MILR1: variants seen among roughly 807,000 people sequenced by gnomAD.
MILR1 encodes allergin-1.
Under a neutral mutation model 18.5 loss-of-function variants are expected in MILR1, and 31 were observed. The observed-to-expected ratio is 1.68, with a 90% CI of 1.26 to 2.26. The LOEUF (loss-of-function observed/expected upper bound fraction) is 2.26. Ranked by LOEUF, MILR1 falls within the 30% of genes most tolerant of loss-of-function variation. The probability of loss-of-function intolerance (pLI) is 0.00; values close to 1 mark genes in which losing one functional copy is unlikely to be tolerated. For missense variants in MILR1, 257 were observed against 157.4 expected (o/e 1.63, Z -3.38); for synonymous variants, 85 against 56.2 (o/e 1.51, Z -2.30).
chr17:64,473,092 G>A (rs1432732876), downstream of MILR1, among the ~76,000 whole-genome samples: 11 of 152,140 alleles, frequency 7.2e-5, no homozygotes, highest in African/African-American at 2.7e-4. Context: ...GCTCACGCCT[G>A]TAATCCCAGC....
At chr17:64,473,682 T>G in the MILR1 span, among the ~76,000 whole-genome samples, 1 of 152,150 alleles carries the variant, frequency 6.6e-6, no homozygotes, top group African/African-American at 2.4e-5. Flanking sequence ...ACTTACGAAA[T>G]TTCTTTGTAA....
chr17:64,481,190 G>A, the MILR1 span: 1 of 731,732 alleles, frequency 1.4e-6, no homozygotes, highest in Non-Finnish European at 1.7e-6. Flanking sequence ...TGGTGACTGA[G>A]CTACAGCATC....
chr17:64,492,987 C>G, the MILR1 span: 6 of 1,614,070 alleles, frequency 3.7e-6, no homozygotes, highest in Non-Finnish European at 5.1e-6. Context: ...TCTTGTTTAC[C>G]AGATCCAGGC....
chr17:64,466,807 C>A, intron 8 of MILR1, 145 bp downstream of exon 8: 1 of 646,928 alleles, frequency 1.5e-6, no homozygotes, highest in Non-Finnish European at 2.6e-6. Context: ...TGGCAACCAG[C>A]ACCCCAGCTC....
the MILR1 span, chr17:64,490,938 C>T: frequency 2.2e-5 from 36 of 1,613,918 alleles, no homozygotes; most frequent in Admixed American, 2.3e-4. Context: ...CTGACAGTCA[C>T]TGCTGCTGAA....
downstream of MILR1, among the ~76,000 whole-genome samples, chr17:64,470,933 A>G (rs9911864): frequency 0.051 from 7,781 of 152,190 alleles, 310 homozygotes; most frequent in African/African-American, 0.12. Context: ...CTAGTGCCTC[A>G]TTTCTTTCTA....
intron 2 of MILR1, 130 bp from the exon 3 acceptor site, chr17:64,452,467 G>A (rs1350106849): frequency 5.0e-6 from 2 of 399,722 alleles, no homozygotes; most frequent in Admixed American, 4.4e-5. Context: ...TGCCCAGACT[G>A]GTATCAAACT....
chr17:64,471,690 G>A (rs976746007), downstream of MILR1, among the ~76,000 whole-genome samples: 3 of 152,138 alleles, frequency 2.0e-5, no homozygotes, highest in East Asian at 5.8e-4. Flanking sequence ...GGTGGCTCAC[G>A]CCTATAATCC....
At chr17:64,450,575 G>A (rs1028920932) in intron 2 of MILR1, among the ~76,000 whole-genome samples, 5 of 150,190 alleles carry the variant, frequency 3.3e-5, no homozygotes, top group African/African-American at 1.0e-4. Flanking sequence ...CGCCTCCTGG[G>A]TTCAAGGGAT....
chr17:64,478,065 CA>C, the MILR1 span: 270 of 1,465,066 alleles, frequency 1.8e-4, 1 homozygote, highest in Non-Finnish European at 2.3e-4. Context: ...AGCTGTAATT[CA>C]GTGTTCATGC....
chr17:64,468,971 C>T (rs2037643676), downstream of MILR1, among the ~76,000 whole-genome samples: 1 of 151,914 alleles, frequency 6.6e-6, no homozygotes, highest in Non-Finnish European at 1.5e-5. Context: ...CTTGTAATTC[C>T]ATCTACTTAG....
At chr17:64,466,383 C>T in intron 6 of MILR1, 59 bp from the exon 7 acceptor site, 2 of 1,463,092 alleles carry the variant, frequency 1.4e-6, no homozygotes, top group Middle Eastern at 3.6e-4. Context: ...GAGCAATTTA[C>T]CGACCTTTTC....
At chr17:64,469,148 G>A (rs2037647711), downstream of MILR1, among the ~76,000 whole-genome samples, 1 of 150,948 alleles carries the variant, frequency 6.6e-6, no homozygotes, top group South Asian at 2.1e-4. Flanking sequence ...AGGAAGGAAA[G>A]AGAGAAAAGA....
the MILR1 span, among the ~76,000 whole-genome samples, chr17:64,483,729 T>G: frequency 6.6e-6 from 1 of 151,826 alleles, no homozygotes; most frequent in African/African-American, 2.4e-5. Context: ...TGCTTTTTTT[T>G]TTTTTTTAAA....
chr17:64,459,619 C>T (rs1372214017), intron 4 of MILR1, among the ~76,000 whole-genome samples: 2 of 152,156 alleles, frequency 1.3e-5, no homozygotes, highest in Non-Finnish European at 2.9e-5. Context: ...CTATGAGTCA[C>T]AGCCCTTCCA....
At chr17:64,491,676 G>GT in the MILR1 span, 1 of 1,225,960 alleles carries the variant, frequency 8.2e-7, no homozygotes, top group Non-Finnish European at 1.2e-6. Context: ...GTACATCAAC[G>GT]TGAAGAAGGG....
At chr17:64,496,987 A>G in the MILR1 span, 1 of 1,596,640 alleles carries the variant, frequency 6.3e-7, no homozygotes. Flanking sequence ...GAAGTTAAAG[A>G]GCACACTCTC....
the MILR1 span, among the ~76,000 whole-genome samples, chr17:64,497,336 A>C: frequency 6.6e-6 from 1 of 152,244 alleles, no homozygotes; most frequent in Admixed American, 6.5e-5. Flanking sequence ...AGAAAATTAA[A>C]ATACTTCAGT....
chr17:64,474,728 T>C, the MILR1 span, among the ~76,000 whole-genome samples: 1 of 152,064 alleles, frequency 6.6e-6, no homozygotes, highest in African/African-American at 2.4e-5. Flanking sequence ...TAGCTCTTAA[T>C]ACTGGAAAGG....
Sources: gnomAD v4.1 joint callset for allele counts (sites outside exome capture counted in the v4.1 genomes callset) on GRCh38, gnomAD v4.1.1 for gene constraint, MANE v1.5 for transcripts, NCBI Gene and HGNC (gene_info 2026-07-23, HGNC 2026-07-21) for gene names.